OR9Q1: variants seen among roughly 807,000 people sequenced by gnomAD.
OR9Q1 encodes olfactory receptor family 9 subfamily Q member 1.
For synonymous variants in OR9Q1, 153 were observed against 148.6 expected, an observed-to-expected ratio of 1.03 and a Z score of -0.22; for missense variants, 374 against 378.8, an observed-to-expected ratio of 0.99 and a Z score of 0.11.
chr11:58,138,958 C>T (rs1854215574), intron 2 of OR9Q1, among the ~76,000 whole-genome samples: 1 of 151,622 alleles, frequency 6.6e-6, no homozygotes, highest in Non-Finnish European at 1.5e-5. Flanking sequence ...TTCTAAGACA[C>T]AAGAAGGAAC....
At chr11:58,133,532 C>T (rs1332025169) in intron 2 of OR9Q1, among the ~76,000 whole-genome samples, 6 of 152,278 alleles carry the variant, frequency 3.9e-5, no homozygotes, top group Admixed American at 2.0e-4. Context: ...TGCAATAATG[C>T]GAGGCACTTA....
Position 58,141,156 on chromosome 11 carries a change from A to G in OR9Q1, c.-14-38275A>G, listed in dbSNP as rs568929711. Among the ~76,000 whole-genome samples the G allele has an allele frequency of 1.6e-4, 24 of 152,176 alleles. 1 individual carries two copies. The highest frequency in any genetic ancestry group is 1.5e-5 in the Non-Finnish European group (1 of 68,040). ...TGTTTTCTAGATATACAATCATGTC[A>G]TCTGCAAACAGGGACAATTTGACTT... On this transcript the variant is annotated intron_variant, in intron 2 of 2. Coordinates refer to ENST00000335397, the MANE Select transcript of OR9Q1 (RefSeq NM_001005212.4).
At chr11:58,086,145 T>G (rs1052651342) in intron 2 of OR9Q1, among the ~76,000 whole-genome samples, 1 of 151,628 alleles carries the variant, frequency 6.6e-6, no homozygotes, top group Non-Finnish European at 1.5e-5. Context: ...TCCAAAAACA[T>G]AAGGAACTCA....
At chr11:58,101,706 C>T (rs1365816609) in intron 2 of OR9Q1, among the ~76,000 whole-genome samples, 1 of 152,042 alleles carries the variant, frequency 6.6e-6, no homozygotes, top group Non-Finnish European at 1.5e-5. Context: ...AATTCTTTGC[C>T]TAGGTCAATG....
At chr11:58,131,126 G>T (rs1294768738) in intron 2 of OR9Q1, among the ~76,000 whole-genome samples, 1 of 152,138 alleles carries the variant, frequency 6.6e-6, no homozygotes, top group African/African-American at 2.4e-5. Flanking sequence ...CAGGGCTAGA[G>T]CTCAGAAGGA....
intron 1 of OR9Q1, among the ~76,000 whole-genome samples, chr11:58,043,507 T>G (rs1334793510): frequency 6.6e-6 from 1 of 152,166 alleles, no homozygotes; most frequent in Non-Finnish European, 1.5e-5. Flanking sequence ...TGCTCCAGAG[T>G]CCAGCAGGTA....
chr11:58,112,134 A>T (rs1356389350), intron 2 of OR9Q1, among the ~76,000 whole-genome samples: 1 of 152,020 alleles, frequency 6.6e-6, no homozygotes. Flanking sequence ...CTAAAAACAC[A>T]CACAAAAAAT....
intron 2 of OR9Q1, among the ~76,000 whole-genome samples, chr11:58,063,415 G>A (rs1163999532): frequency 6.6e-6 from 1 of 152,148 alleles, no homozygotes; most frequent in Non-Finnish European, 1.5e-5. Flanking sequence ...TGTTTTACAT[G>A]TATTAATTTA....
At chr11:58,064,192 G>A (rs915915221) in intron 2 of OR9Q1, among the ~76,000 whole-genome samples, 3 of 152,200 alleles carry the variant, frequency 2.0e-5, no homozygotes, top group Non-Finnish European at 2.9e-5. Flanking sequence ...ACCAACATGC[G>A]CATACACTGT....
At chr11:58,090,208 C>T (rs1039294876) in intron 2 of OR9Q1, among the ~76,000 whole-genome samples, 2 of 152,160 alleles carry the variant, frequency 1.3e-5, no homozygotes, top group Non-Finnish European at 2.9e-5. Flanking sequence ...TGAGAGAGGG[C>T]ATCCTTGTCT....
intron 2 of OR9Q1, among the ~76,000 whole-genome samples, chr11:58,150,879 C>A (rs1854344499): frequency 6.6e-6 from 1 of 152,170 alleles, no homozygotes; most frequent in Non-Finnish European, 1.5e-5. Flanking sequence ...CAGAAGAAGG[C>A]ATCATCATCG....
chr11:58,056,245 T>C (rs1309354369), intron 2 of OR9Q1, among the ~76,000 whole-genome samples: 1 of 152,162 alleles, frequency 6.6e-6, no homozygotes, highest in East Asian at 1.9e-4. Context: ...TTCCTGAAAA[T>C]TTAACAGTTG....
intron 2 of OR9Q1, among the ~76,000 whole-genome samples, chr11:58,087,025 ATG>A (rs1241295013): frequency 2.0e-5 from 3 of 151,804 alleles, no homozygotes; most frequent in Non-Finnish European, 4.4e-5. Flanking sequence ...GATGAAAAAT[ATG>A]TGAGGGAATG....
intron 1 of OR9Q1, among the ~76,000 whole-genome samples, chr11:58,034,981 T>A (rs1853086710): frequency 6.6e-6 from 1 of 151,836 alleles, no homozygotes; most frequent in Non-Finnish European, 1.5e-5. Flanking sequence ...GTGCACAGCA[T>A]CAAACCTGGC....
intron 2 of OR9Q1, among the ~76,000 whole-genome samples, chr11:58,153,053 A>G (rs1854369736): frequency 1.3e-5 from 2 of 152,334 alleles, no homozygotes; most frequent in Admixed American, 1.3e-4. Context: ...CAATTAGTAC[A>G]TGATAACATT....
intron 2 of OR9Q1, among the ~76,000 whole-genome samples, chr11:58,153,144 A>G (rs1854370601): frequency 6.6e-6 from 1 of 152,246 alleles, no homozygotes; most frequent in Admixed American, 6.5e-5. Flanking sequence ...AAATAGAAAT[A>G]GAATAAAGCA....
intron 2 of OR9Q1, among the ~76,000 whole-genome samples, chr11:58,064,026 T>G (rs930928297): frequency 2.0e-5 from 3 of 152,150 alleles, no homozygotes; most frequent in Non-Finnish European, 2.9e-5. Context: ...GGTTGGCGAG[T>G]GCAGGGCCTC....
At chr11:58,170,873 G>C (rs934172477) in intron 2 of OR9Q1, among the ~76,000 whole-genome samples, 6 of 152,070 alleles carry the variant, frequency 3.9e-5, no homozygotes, top group Non-Finnish European at 8.8e-5. Context: ...TTTATCAGCA[G>C]CATGAAAATG....
At chr11:58,165,568 T>A (rs1854493199) in intron 2 of OR9Q1, among the ~76,000 whole-genome samples, 1 of 152,176 alleles carries the variant, frequency 6.6e-6, no homozygotes, top group Admixed American at 6.5e-5. Context: ...TATTGTTACT[T>A]GTTTGATGTC....
Sources: allele counts gnomAD v4.1 joint callset (sites outside exome capture counted in the v4.1 genomes callset), GRCh38; gene constraint gnomAD v4.1.1; transcripts MANE v1.5; gene names NCBI Gene and HGNC (gene_info 2026-07-23, HGNC 2026-07-21).